Variants in MRPL50 observed in about 807,000 individuals in gnomAD.
The protein encoded by MRPL50 is large ribosomal subunit protein mL50.
MRPL50 carries 10 observed loss-of-function variants against 16.2 expected under a neutral mutation model. The ratio of observed to expected loss-of-function variants is 0.62; its 90% CI spans 0.38 to 1.05. The LOEUF (loss-of-function observed/expected upper bound fraction) is 1.05. Ranked by LOEUF, MRPL50 falls within the 50% of genes least tolerant of loss-of-function variation. The pLI, the probability that MRPL50 is intolerant of heterozygous loss-of-function variation, is 0.01. For missense variants in MRPL50, 213 were observed against 187.1 expected (o/e 1.14, Z -0.81); for synonymous variants, 68 against 66.8 (o/e 1.02, Z -0.09).
At chr9:101,397,609 T>A (rs1320339100) in intron 1 of MRPL50, among the ~76,000 whole-genome samples, 3 of 152,172 alleles carry the variant, frequency 2.0e-5, no homozygotes, top group African/African-American at 7.2e-5. Flanking sequence ...GTAAACAGCC[T>A]AAAAAATATT....
At chr9:101,393,248 C>T (rs894931447) in intron 1 of MRPL50, among the ~76,000 whole-genome samples, 1 of 151,964 alleles carries the variant, frequency 6.6e-6, no homozygotes, top group South Asian at 2.1e-4. Context: ...CAAACAAGGA[C>T]ACAAAACAAG....
intron 1 of MRPL50, among the ~76,000 whole-genome samples, chr9:101,398,200 C>T (rs1830390245): frequency 1.3e-5 from 2 of 152,218 alleles, no homozygotes; most frequent in Admixed American, 6.5e-5. Flanking sequence ...TTGCAGACAA[C>T]ACACTCGGTG....
In MRPL50 at chr9:101,388,548, T is replaced by C. The variant is rs1830229958; in HGVS notation, c.*1918A>G. 6.6e-6 allele frequency: 1 copy of C among 152,124 alleles called. No individual in the cohort carries two copies. The highest frequency in any genetic ancestry group is 1.5e-5 in the Non-Finnish European group (1 of 68,008). The allele number at this position is 152,124 out of a possible 1,614,324, so 9.4% of individuals were successfully genotyped here. A position where few individuals can be genotyped will look rare whatever the true frequency, so the allele number is the denominator to read the frequency against. ...GTAAACCCTTTAAAATTACATCATA[T>C]GTTTGATTATCTCATTCAACAACAG... is the stretch of plus-strand genomic sequence containing the variant. On this transcript the variant is annotated 3_prime_UTR_variant, in exon 2 of 2. Transcript: ENST00000374865.
chr9:101,396,758 A>G (rs1830346131), intron 1 of MRPL50, among the ~76,000 whole-genome samples: 1 of 152,112 alleles, frequency 6.6e-6, no homozygotes, highest in Non-Finnish European at 1.5e-5. Context: ...TCTGGCCAAC[A>G]TGGAGAAACC....
At chr9:101,390,907 C>T (rs181724877) in intron 1 of MRPL50, 57 bp from the exon 2 acceptor site, 255 of 1,511,408 alleles carry the variant, frequency 1.7e-4, no homozygotes, top group Non-Finnish European at 2.1e-4. Context: ...AAACACCAGA[C>T]CAAATCTTGC....
Position 101,389,617 on chromosome 9 carries a change from T to A in MRPL50, c.*849A>T. On this transcript the variant is annotated 3_prime_UTR_variant, in exon 2 of 2. Coordinates refer to ENST00000374865, the MANE Select transcript of MRPL50 (RefSeq NM_019051.3). ...ATTACTCTCCAGCCATATCTAAAGC[T>A]TGAAAAAAAAATCCCAAATTTAACA... is the stretch of plus-strand genomic sequence containing the variant. The A allele has an allele frequency of 2.0e-6, 1 of 488,436 alleles. No homozygotes were observed. The highest frequency in any genetic ancestry group is 2.5e-5 in the South Asian group (1 of 40,104). The allele number at this position is 488,436 out of a possible 1,614,324, so 30.3% of individuals were successfully genotyped here.
chr9:101,397,960 C>G (rs78746608), intron 1 of MRPL50, among the ~76,000 whole-genome samples: 5,586 of 152,298 alleles, frequency 0.037, 138 homozygotes, highest in Middle Eastern at 0.071. Flanking sequence ...AAAATCACTT[C>G]CCTCCTGTGG....
At position 101,390,334 on chromosome 9, in the gene MRPL50, C is replaced by G; in HGVS notation, c.*132G>C. ...ATGAGAAAAAAAAAGATGATACATTCCTCTACAGAAAAAGTGGGTTTAGAG... is the reference window on the plus strand; with the variant it reads ...ATGAGAAAAAAAAAGATGATACATTGCTCTACAGAAAAAGTGGGTTTAGAG... On this transcript the variant is annotated 3_prime_UTR_variant, in exon 2 of 2. Coordinates refer to ENST00000374865, the MANE Select transcript of MRPL50 (RefSeq NM_019051.3). 7.1e-7 allele frequency: 1 copy of G among 1,410,280 alleles called. No individual in the cohort carries two copies. Among genetic ancestry groups the G allele is most frequent in the East Asian group, 2.5e-5 (1 of 39,808 alleles). The allele number at this position is 1,410,280 out of a possible 1,614,324, so 87.4% of individuals were successfully genotyped here. A position where few individuals can be genotyped will look rare whatever the true frequency, so the allele number is the denominator to read the frequency against.
chr9:101,393,305 C>A (rs1231007184), intron 1 of MRPL50, among the ~76,000 whole-genome samples: 1 of 152,080 alleles, frequency 6.6e-6, no homozygotes, highest in Non-Finnish European at 1.5e-5. Flanking sequence ...CCTCTAAGAT[C>A]TTGAACAAGA....
At chr9:101,395,551 C>T (rs1207357423) in intron 1 of MRPL50, among the ~76,000 whole-genome samples, 4 of 151,896 alleles carry the variant, frequency 2.6e-5, no homozygotes, top group South Asian at 4.1e-4. Flanking sequence ...TTAAAAAAAC[C>T]GTACATATAC....
chr9:101,392,225 T>C (rs1830282824), intron 1 of MRPL50, among the ~76,000 whole-genome samples: 2 of 151,664 alleles, frequency 1.3e-5, no homozygotes, highest in Admixed American at 6.6e-5. Flanking sequence ...AAACTTCACA[T>C]AAACAATCTA....
chr9:101,389,439 C>T lies in MRPL50; in HGVS notation c.*1027G>A. On this transcript the variant is annotated 3_prime_UTR_variant, in exon 2 of 2. Transcript: ENST00000374865. The stretch of plus-strand genomic sequence containing the variant: ...TTAACTAATTTTCTTCATGAAGATT[C>T]CAGAATTTATATTCCCAACTGAATT... 1 of 1,282,752 alleles carries T rather than the reference C, an allele frequency of 7.8e-7. No individual in the cohort carries two copies. The highest frequency in any genetic ancestry group is 1.0e-6 in the Non-Finnish European group (1 of 983,226). 79.5% of individuals were successfully genotyped at this position (1,282,752 alleles called of 1,614,324 possible).
At chr9:101,393,990 C>CAAAA (rs76598460) in intron 1 of MRPL50, among the ~76,000 whole-genome samples, 764 of 66,158 alleles carry the variant, frequency 0.012, no homozygotes, top group East Asian at 0.018. Flanking sequence ...TAATGCTAAG[C>CAAAA]AAAAAAAAAA....
rs1564062187 is a variant in MRPL50 at position 101,390,747 on chromosome 9, G to T, written c.196C>A (p.Leu66Ile). 1 of 1,613,686 alleles carries T rather than the reference G, an allele frequency of 6.2e-7. No individual in the cohort carries two copies. The highest frequency in any genetic ancestry group is 1.1e-5 in the South Asian group (1 of 91,070). The change falls in exon 2 of 2, where the codon CTC (leucine) becomes ATC (isoleucine). Residue 66 changes from leucine to isoleucine, a missense_variant. By Grantham distance (5) the Leu-to-Ile change is conservative (BLOSUM62 2). Transcript: ENST00000374865. ...ACGTAAGATTCCAAACGACTCTGGAGATCTTCAGGTGGTGTGTATGCTCGG... is the reference window on the plus strand; with the variant it reads ...ACGTAAGATTCCAAACGACTCTGGATATCTTCAGGTGGTGTGTATGCTCGG... ...RSRAYTPPED[L>I]QSRLESYVKE...
At chr9:101,391,763 AACAG>A (rs1830277025) in intron 1 of MRPL50, among the ~76,000 whole-genome samples, 1 of 152,092 alleles carries the variant, frequency 6.6e-6, no homozygotes, top group African/African-American at 2.4e-5. Context: ...CACTCTCAAT[AACAG>A]ACAGATCATC....
Position 101,390,001 on chromosome 9 carries a change from T to C in MRPL50, c.*465A>G. 1 of 921,574 alleles carries C rather than the reference T, an allele frequency of 1.1e-6. No homozygotes were observed. The allele number at this position is 921,574 out of a possible 1,614,324, so 57.1% of individuals were successfully genotyped here. On this transcript the variant is annotated 3_prime_UTR_variant, in exon 2 of 2. Transcript: ENST00000374865. ...AAATCTACTTTAATTCTAAAAGAAA[T>C]TAATCTAGAACTGTCAGTAATACAC...
Position 101,389,333 on chromosome 9 carries a change from T to A in MRPL50, c.*1133A>T, listed in dbSNP as rs188197167. On this transcript the variant is annotated 3_prime_UTR_variant, in exon 2 of 2. Coordinates refer to ENST00000374865, the MANE Select transcript of MRPL50 (RefSeq NM_019051.3). ...AAGGAATCAACTCTAATGTCTAAGCTCCAGAGCTCCAGGCACTCTGACACC... is the reference window on the plus strand; with the variant it reads ...AAGGAATCAACTCTAATGTCTAAGCACCAGAGCTCCAGGCACTCTGACACC... 316 of 580,434 alleles carry A rather than the reference T, an allele frequency of 5.4e-4. No individual in the cohort carries two copies. The highest frequency in any genetic ancestry group is 2.6e-3 in the Middle Eastern group (8 of 3,076). 36.0% of individuals were successfully genotyped at this position (580,434 alleles called of 1,614,324 possible). A position where few individuals can be genotyped will look rare whatever the true frequency, so the allele number is the denominator to read the frequency against.
At chr9:101,397,048 T>A (rs1205195655) in intron 1 of MRPL50, among the ~76,000 whole-genome samples, 1 of 152,220 alleles carries the variant, frequency 6.6e-6, no homozygotes, top group East Asian at 1.9e-4. Context: ...ATTTAAATTA[T>A]GTAGAATGAA....
At position 101,390,113 on chromosome 9, in the gene MRPL50, A is replaced by C. The variant is rs1231396204; in HGVS notation, c.*353T>G. On this transcript the variant is annotated 3_prime_UTR_variant, in exon 2 of 2. Transcript: ENST00000374865. Reference sequence around the variant, plus strand: ...AATGCATAACTCTATCTTAGATATGAATCCTAACAGGATGAAAATACTTTC... The same window carrying C: ...AATGCATAACTCTATCTTAGATATGCATCCTAACAGGATGAAAATACTTTC... The C allele has an allele frequency of 2.9e-6, 3 of 1,021,526 alleles. No homozygotes were observed. In the African/African-American group the frequency reaches 5.2e-5, roughly 18 times the overall value. The allele number at this position is 1,021,526 out of a possible 1,614,324, so 63.3% of individuals were successfully genotyped here.
Sources: allele counts gnomAD v4.1 joint callset (sites outside exome capture counted in the v4.1 genomes callset), GRCh38; gene constraint gnomAD v4.1.1; transcripts MANE v1.5; gene names NCBI Gene and HGNC (gene_info 2026-07-23, HGNC 2026-07-21).